PER3: variants seen among roughly 807,000 people sequenced by gnomAD.
The protein encoded by PER3 is period circadian protein homolog 3.
PER3 carries 107 observed loss-of-function variants against 127.2 expected under a neutral mutation model. That is an observed-to-expected ratio of 0.84 (90% CI 0.72 to 0.99). PER3 has a LOEUF of 0.99. Ranked by LOEUF, PER3 falls within the 50% of genes least tolerant of loss-of-function variation. The pLI, the probability that PER3 is intolerant of heterozygous loss-of-function variation, is 0.00. For synonymous variants in PER3, 618 were observed against 585.8 expected, an observed-to-expected ratio of 1.05 and a Z score of -0.79; for missense variants, 1,560 against 1,525.8, an observed-to-expected ratio of 1.02 and a Z score of -0.37.
At chr1:7,806,551 G>T (rs1577746021) in intron 10 of PER3, among the ~76,000 whole-genome samples, 1 of 151,924 alleles carries the variant, frequency 6.6e-6, no homozygotes. Context: ...ACTTTGGGAG[G>T]CTGAGGCAGG....
intron 7 of PER3, among the ~76,000 whole-genome samples, chr1:7,800,260 G>A (rs1284470994): frequency 6.6e-6 from 1 of 150,384 alleles, no homozygotes; most frequent in Non-Finnish European, 1.5e-5. Flanking sequence ...AGGCTGGAGT[G>A]CAGTGGGCAC....
rs527907170 is a variant in PER3, at chr1:7,812,500, C to T, written c.1522+1912C>T. Among the ~76,000 whole-genome samples, 307 of 151,864 alleles carry T rather than the reference C, an allele frequency of 2.0e-3. 1 individual carries two copies. The highest frequency in any genetic ancestry group is 7.3e-3 in the African/African-American group (302 of 41,392). On this transcript the variant is annotated intron_variant, in intron 13 of 21. Transcript: ENST00000377532. ...ATTAGCCGGGCGTGGTGGTGGGCGC[C>T]TCTAGTCCCAGCTACCTGGGAGGCT...
rs1468372112 is a variant in PER3, at chr1:7,827,232, G to A, written c.2303G>A (p.Arg768His). ...AGCTCGAACACCGGCTCTGGTCCCC[G>A]CAGGGGAGCGCATCAGAACGCACAG... The part of the protein sequence containing the change: ...SSSSNTGSGP[R>H]RGAHQNAQPC... The change falls in exon 18 of 22, where the codon CGC (arginine) becomes CAC (histidine). Residue 768 changes from arginine to histidine, a missense_variant. Arg to His is a conservative substitution (Grantham distance 29). Around this residue, in one of 3 missense-constraint regions of PER3, gnomAD observed 1,332 missense variants for 1,223.6 expected, o/e 1.09. Transcript: ENST00000377532. 2 of 1,613,860 alleles carry A rather than the reference G, an allele frequency of 1.2e-6. No individual in the cohort carries two copies. Among genetic ancestry groups the A allele is most frequent in the South Asian group, 2.2e-5 (2 of 91,078 alleles).
rs538067744 is a variant in PER3, at chr1:7,827,574, C to T, written c.2645C>T (p.Thr882Ile). The T allele has an allele frequency of 6.2e-7, 1 of 1,614,194 alleles. No individual in the cohort carries two copies. Among genetic ancestry groups the T allele is most frequent in the East Asian group, 2.2e-5 (1 of 44,886 alleles). ...SFLPCPFLGA[T>I]ASSAISPSMS... ...TTGCCATGTCCATTCCTGGGGGCGACAGCCTCTTCTGCGATATCACCCTCA... is the reference window on the plus strand; with the variant it reads ...TTGCCATGTCCATTCCTGGGGGCGATAGCCTCTTCTGCGATATCACCCTCA... The change falls in exon 18 of 22, where the codon ACA (threonine) becomes ATA (isoleucine). Residue 882 changes from threonine (T) to isoleucine (I), a missense_variant. Transcript: ENST00000377532.
At position 7,820,611 on chromosome 1, in the gene PER3, C is replaced by T. The variant is rs2097272048; in HGVS notation, c.1928C>T (p.Thr643Ile). The change falls in exon 16 of 22, where the codon ACC (threonine) becomes ATC (isoleucine). Residue 643 changes from threonine (T) to isoleucine (I), a missense_variant. Transcript: ENST00000377532. Reference protein sequence around the residue: ...SGISQCGYSSTIVHVPPPETA... With the variant: ...SGISQCGYSSIIVHVPPPETA... ...ATAAGCCAATGCGGTTACAGCAGCA[C>T]CATTGTCCATGTCCCACCCCCAGAG... is the stretch of plus-strand genomic sequence containing the variant. The T allele has an allele frequency of 1.2e-6, 2 of 1,613,884 alleles. No individual in the cohort carries two copies. Among genetic ancestry groups the T allele is most frequent in the South Asian group, 2.2e-5 (2 of 91,006 alleles).
intron 5 of PER3, among the ~76,000 whole-genome samples, chr1:7,791,626 G>A (rs12758558): frequency 6.6e-6 from 1 of 152,334 alleles, no homozygotes; most frequent in South Asian, 2.1e-4. Flanking sequence ...TTTCTCCCCA[G>A]AAAATGGGTT....
Position 7,826,370 on chromosome 1 carries a change from C to CAGCAGTTATAATAATGTTTGTA in PER3, c.1958-108_1958-87dup, listed in dbSNP as rs2097301471. The CAGCAGTTATAATAATGTTTGTA allele has an allele frequency of 6.1e-6, 4 of 660,324 alleles. No homozygotes were observed. The highest frequency in any genetic ancestry group is 1.1e-5 in the Non-Finnish European group (4 of 371,296). The allele number at this position is 660,324 out of a possible 1,614,324, so 40.9% of individuals were successfully genotyped here. On this transcript the variant is annotated intron_variant, in intron 16 of 21. Coordinates refer to ENST00000377532, the MANE Select transcript of PER3 (RefSeq NM_001377275.1). This position sits in a 1 kb window ranked among gnomAD's most constrained non-coding sequence, Gnocchi z 4.2. ...AGGCTAATGAAGATTTTTCGTATTC[C>CAGCAGTTATAATAATGTTTGTA]AGCAGTTATAATAATGTTTGTAAAA...
chr1:7,834,455 TTG>T (rs2097348185), intron 19 of PER3, among the ~76,000 whole-genome samples: 1 of 152,096 alleles, frequency 6.6e-6, no homozygotes, highest in Admixed American at 6.5e-5. Flanking sequence ...GAGTGTTTTG[TTG>T]TTGTTGTTGT....
chr1:7,830,126 G>A lies in PER3; in HGVS notation c.3179G>A (p.Ser1060Asn), dbSNP rs2097324104. ...GTTCTGTCCACGGGGTCACCTCCCAGCGAATCCCCATCCAGAACTGGTTCA... is the reference window on the plus strand; with the variant it reads ...GTTCTGTCCACGGGGTCACCTCCCAACGAATCCCCATCCAGAACTGGTTCA... ...ATVLSTGSPP[S>N]ESPSRTGSAA... The change falls in exon 19 of 22, where the codon AGC becomes AAC. Residue 1060 changes from serine (S) to asparagine (N), a missense_variant. This residue lies in a region of PER3 where 199 missense variants were observed against 198.6 expected (regional missense o/e 1.00). Transcript: ENST00000377532. 1 of 1,614,052 alleles carries A rather than the reference G, an allele frequency of 6.2e-7. No individual in the cohort carries two copies. Among genetic ancestry groups the A allele is most frequent in the African/African-American group, 1.3e-5 (1 of 74,940 alleles).
intron 6 of PER3, among the ~76,000 whole-genome samples, chr1:7,796,319 CTTTTTT>C (rs71567315): frequency 9.1e-6 from 1 of 109,818 alleles, no homozygotes; most frequent in Non-Finnish European, 1.8e-5. Context: ...TTTCAGTTTC[CTTTTTT>C]TTTTTTTTTT....
intron 12 of PER3, 67 bp downstream of exon 12, chr1:7,810,088 T>C: frequency 7.1e-7 from 1 of 1,400,200 alleles, no homozygotes; most frequent in Non-Finnish European, 9.9e-7. Flanking sequence ...GTTCTGAATG[T>C]GGTGACATCT....
chr1:7,822,259 T>A (rs200347153), intron 16 of PER3, among the ~76,000 whole-genome samples: 9 of 25,478 alleles, frequency 3.5e-4, no homozygotes, highest in Admixed American at 7.7e-4. Flanking sequence ...TAAAAAAAAA[T>A]TTTTTTTTTT....
At chr1:7,805,657 C>T (rs2150754208) in intron 10 of PER3, among the ~76,000 whole-genome samples, 1 of 152,268 alleles carries the variant, frequency 6.6e-6, no homozygotes, top group Admixed American at 6.5e-5. Flanking sequence ...GTACGGAAAC[C>T]TATTGGGAAA....
At chr1:7,792,659 A>T (rs1239828804) in intron 5 of PER3, among the ~76,000 whole-genome samples, 2 of 152,230 alleles carry the variant, frequency 1.3e-5, no homozygotes, top group South Asian at 2.1e-4. Context: ...AGCACATAGA[A>T]CATCAAGAGG....
At chr1:7,806,134 C>A (rs940252152) in intron 10 of PER3, among the ~76,000 whole-genome samples, 7 of 152,148 alleles carry the variant, frequency 4.6e-5, no homozygotes, top group African/African-American at 1.7e-4. Flanking sequence ...ATGGCACTGT[C>A]ATATATAACT....
chr1:7,828,208 T>C (rs1211698688), intron 18 of PER3, among the ~76,000 whole-genome samples: 1 of 152,236 alleles, frequency 6.6e-6, no homozygotes, highest in African/African-American at 2.4e-5. Flanking sequence ...ATAAGCCATA[T>C]TGACAATTTA....
At chr1:7,831,053 A>G (rs1378297916) in intron 19 of PER3, among the ~76,000 whole-genome samples, 1 of 152,234 alleles carries the variant, frequency 6.6e-6, no homozygotes, top group Admixed American at 6.5e-5. Flanking sequence ...TAGATGATCA[A>G]TACGTGAATA....
In PER3 at chr1:7,799,925, C is replaced by T. The variant is rs111491661; in HGVS notation, c.794-1188C>T. Among the ~76,000 whole-genome samples, 415 of 151,944 alleles carry T rather than the reference C, an allele frequency of 2.7e-3. 1 individual carries two copies. The highest frequency in any genetic ancestry group is 4.3e-3 in the Non-Finnish European group (290 of 67,998). Reference sequence around the variant, plus strand: ...TTAGGACCACAGGCACGCACCATCACGCCTGACTAATTTTATTTATTTATT... The same window carrying T: ...TTAGGACCACAGGCACGCACCATCATGCCTGACTAATTTTATTTATTTATT... On this transcript the variant is annotated intron_variant, in intron 7 of 21. Coordinates refer to ENST00000377532, the MANE Select transcript of PER3 (RefSeq NM_001377275.1).
rs2097400825 is a variant in PER3 at position 7,843,678 on chromosome 1, A to G, written c.*923A>G. ...ATACAAAAGAGGTCGCTCCAGCCCT[A>G]CCACAGGTCTGACTGGCACTGCCTT... On this transcript the variant is annotated 3_prime_UTR_variant, in exon 22 of 22. Coordinates refer to ENST00000377532, the MANE Select transcript of PER3 (RefSeq NM_001377275.1). 1 of 154,436 alleles carries G rather than the reference A, an allele frequency of 6.5e-6. No homozygotes were observed. Among genetic ancestry groups the G allele is most frequent in the African/African-American group, 2.4e-5 (1 of 41,480 alleles). 9.6% of individuals were successfully genotyped at this position (154,436 alleles called of 1,614,324 possible). A position where few individuals can be genotyped will look rare whatever the true frequency, so the allele number is the denominator to read the frequency against.
Sources: allele counts gnomAD v4.1 joint callset (sites outside exome capture counted in the v4.1 genomes callset), GRCh38; gene constraint gnomAD v4.1.1; regional missense constraint gnomAD v4.1.1; non-coding constraint Gnocchi (gnomAD v3.1); transcripts MANE v1.5; gene names NCBI Gene and HGNC (gene_info 2026-07-23, HGNC 2026-07-21).